Variants in RGN observed in about 807,000 individuals in gnomAD.
RGN encodes regucalcin, also known as epididymis secretory protein Li 41.
RGN carries 19 observed loss-of-function variants against 20.6 expected under a neutral mutation model. The ratio of observed to expected loss-of-function variants is 0.92; its 90% CI spans 0.64 to 1.35. The LOEUF (loss-of-function observed/expected upper bound fraction) is 1.35, where lower values mean the gene tolerates loss of function less well. Among genes scored for constraint, RGN ranks in the 40% most tolerant of loss-of-function variants. The probability of loss-of-function intolerance (pLI) is 0.00; values close to 1 mark genes in which losing one functional copy is unlikely to be tolerated. For synonymous variants in RGN, 85 were observed against 87.2 expected (o/e 0.97, Z 0.14); for missense variants, 302 against 232.7 (o/e 1.30, Z -1.94).
At chrX:47,092,788 A>C in intron 7 of RGN, 109 bp from the exon 8 acceptor site, 1 of 628,159 alleles carries the variant, frequency 1.6e-6, no homozygotes. Context: ...TAGGAGATAA[A>C]ACAAAGATAA....
rs368495600 is a variant in RGN at position 47,093,237 on chromosome X, T to C, written c.*290T>C. On this transcript the variant is annotated 3_prime_UTR_variant, in exon 8 of 8. Transcript: ENST00000397180. ...AATTGCCAGGGTGGGTGGGTACATA[T>C]CTCTTCTTGATTCTGCATTTCATAC... 22 of 293,277 alleles carry C rather than the reference T, an allele frequency of 7.5e-5. No homozygotes were observed. The East Asian group carries it at 1.0e-3, about 13-fold the overall frequency. The allele number at this position is 293,277 out of a possible 1,213,427, so 24.2% of individuals were successfully genotyped here.
chrX:47,083,013 C>T (rs1403563760), intron 3 of RGN, among the ~76,000 whole-genome samples: 1 of 111,084 alleles, frequency 9.0e-6, no homozygotes, highest in Non-Finnish European at 1.9e-5. Flanking sequence ...TTAGGAAATG[C>T]TTTCAAAATC....
At chrX:47,085,871 C>T (rs1044673687) in intron 4 of RGN, among the ~76,000 whole-genome samples, 1 of 111,732 alleles carries the variant, frequency 8.9e-6, no homozygotes, top group Non-Finnish European at 1.9e-5. Context: ...CCAAGAAAGA[C>T]GACATATTCT....
At chrX:47,090,071 G>T in intron 5 of RGN, 80 bp downstream of exon 5, 1 of 672,348 alleles carries the variant, frequency 1.5e-6, no homozygotes. Flanking sequence ...CCTCTCCCTC[G>T]CCTCATGTGA....
At chrX:47,090,950 AAG>A (rs1379760483) in intron 5 of RGN, among the ~76,000 whole-genome samples, 2 of 52,160 alleles carry the variant, frequency 3.8e-5, no homozygotes, top group Non-Finnish European at 8.7e-5. Flanking sequence ...GAAAGAAAGA[AAG>A]AAAGAAAGAA....
chrX:47,084,946 C>A (rs1158453405), intron 4 of RGN: 23 of 173,142 alleles, frequency 1.3e-4, no homozygotes, highest in Non-Finnish European at 1.1e-5. Context: ...CAGAGTGAGA[C>A]CCGGTCTCGA....
At chrX:47,079,125 A>AATTTTTTGT (rs1208226771) in intron 1 of RGN, among the ~76,000 whole-genome samples, 1 of 108,479 alleles carries the variant, frequency 9.2e-6, no homozygotes, top group Non-Finnish European at 1.9e-5. Context: ...AAGCCCGGCT[A>AATTTTTTGT]ATTTTTTGTA....
Position 47,090,056 on chromosome X carries a change from A to G in RGN, c.562+65A>G, listed in dbSNP as rs782757831. 11 of 820,372 alleles carry G rather than the reference A, an allele frequency of 1.3e-5. No individual in the cohort carries two copies. The South Asian group carries it at 3.0e-4, about 22-fold the overall frequency. 67.6% of individuals were successfully genotyped at this position (820,372 alleles called of 1,213,427 possible). A position where few individuals can be genotyped will look rare whatever the true frequency, so the allele number is the denominator to read the frequency against. ...TGTTTTCATATGTTTGTGACTAGTA[A>G]GGCGCCTCTCCCTCGCCTCATGTGA... is the stretch of plus-strand genomic sequence containing the variant. On this transcript the variant is annotated intron_variant, in intron 5 of 7. Coordinates refer to ENST00000397180, the MANE Select transcript of RGN (RefSeq NM_152869.4).
chrX:47,085,348 G>A (rs1347968164), intron 4 of RGN, among the ~76,000 whole-genome samples: 21 of 110,239 alleles, frequency 1.9e-4, no homozygotes, highest in Admixed American at 1.4e-3. Flanking sequence ...GTGAAACCCC[G>A]TCTCTACTAA....
In RGN at chrX:47,092,229, T is replaced by G. The variant is rs782521980; in HGVS notation, c.849+14T>G. On this transcript the variant is annotated intron_variant, in intron 7 of 7. Transcript: ENST00000397180. ...GGAATTTTCAAGGTGATATGGCTAT[T>G]TCTTTTATTTTGGGGGTGGGGGATC... The G allele has an allele frequency of 3.5e-6, 4 of 1,156,509 alleles. No individual in the cohort carries two copies. Among genetic ancestry groups the G allele is most frequent in the Non-Finnish European group, 4.6e-6 (4 of 866,537 alleles).
chrX:47,091,039 A>T (rs991165856), intron 5 of RGN, among the ~76,000 whole-genome samples: 1 of 111,048 alleles, frequency 9.0e-6, no homozygotes, highest in Non-Finnish European at 1.9e-5. Flanking sequence ...ATGTGGTTTT[A>T]ACATTTTTCC....
intron 3 of RGN, among the ~76,000 whole-genome samples, chrX:47,083,856 G>C (rs1230205146): frequency 9.2e-6 from 1 of 108,539 alleles, no homozygotes; most frequent in Non-Finnish European, 1.9e-5. Flanking sequence ...AGGTTGCAGT[G>C]AGTTGAGATT....
chrX:47,081,422 C>T (rs1930302506), intron 3 of RGN, 115 bp downstream of exon 3: 1 of 620,557 alleles, frequency 1.6e-6, no homozygotes, highest in South Asian at 3.0e-5. Context: ...GCTGTCTGTC[C>T]CCACTCCATA....
intron 2 of RGN, 75 bp from the exon 3 acceptor site, chrX:47,081,055 C>A (rs1476056760): frequency 1.2e-5 from 9 of 732,844 alleles, no homozygotes; most frequent in Non-Finnish European, 1.9e-5. Flanking sequence ...TCCAGCCTTG[C>A]CAGTTCTTAG....
At position 47,080,340 on chromosome X, in the gene RGN, A is replaced by C. The variant is rs781891847; in HGVS notation, c.-612A>C. 1 of 111,992 alleles carries C rather than the reference A, an allele frequency of 8.9e-6. No individual in the cohort carries two copies. Among genetic ancestry groups the C allele is most frequent in the Non-Finnish European group, 1.9e-5 (1 of 53,246 alleles). 9.2% of individuals were successfully genotyped at this position (111,992 alleles called of 1,213,427 possible). On this transcript the variant is annotated 5_prime_UTR_variant, in exon 2 of 8. Coordinates refer to ENST00000397180, the MANE Select transcript of RGN (RefSeq NM_152869.4). ...AGATAATTTTTCTCTGTCTTCTCCC[A>C]GTTCGCTGGTCATGGTCTCTGGCCT...
intron 5 of RGN, among the ~76,000 whole-genome samples, chrX:47,090,968 GA>G (rs1160934547): frequency 9.4e-6 from 1 of 106,815 alleles, no homozygotes; most frequent in African/African-American, 3.4e-5. Context: ...AAGAAAGAAA[GA>G]AAGAAAGAAA....
chrX:47,083,456 T>C (rs1450643131), intron 3 of RGN, among the ~76,000 whole-genome samples: 4 of 111,560 alleles, frequency 3.6e-5, no homozygotes, highest in Admixed American at 2.9e-4. Context: ...AAACCTAAAA[T>C]TTAAAAACAT....
intron 3 of RGN, among the ~76,000 whole-genome samples, chrX:47,082,519 C>T (rs1930383494): frequency 9.1e-6 from 1 of 110,355 alleles, no homozygotes; most frequent in South Asian, 3.8e-4. Flanking sequence ...CCCTATATTG[C>T]CCAGGCTGGT....
intron 3 of RGN, 66 bp downstream of exon 3, chrX:47,081,373 G>A (rs1556381334): frequency 3.2e-5 from 33 of 1,021,318 alleles, no homozygotes; most frequent in Non-Finnish European, 4.2e-5. Flanking sequence ...GGTCACCACG[G>A]CACCCTTCTT....
Sources: gnomAD v4.1 joint callset for allele counts (sites outside exome capture counted in the v4.1 genomes callset) on GRCh38, gnomAD v4.1.1 for gene constraint, MANE v1.5 for transcripts, NCBI Gene and HGNC (gene_info 2026-07-23, HGNC 2026-07-21) for gene names.